Variants in NT5DC3 observed in about 807,000 individuals in gnomAD.
The protein encoded by NT5DC3 is 5'-nucleotidase domain containing 3, also known as 5'-nucleotidase domain-containing protein 3.
Under a neutral mutation model 67.8 loss-of-function variants are expected in NT5DC3, and 42 were observed. The observed-to-expected ratio is 0.62, with a 90% confidence interval of 0.48 to 0.80. The LOEUF (loss-of-function observed/expected upper bound fraction) is 0.80, where lower values mean the gene tolerates loss of function less well. Among genes scored for constraint, NT5DC3 ranks in the 30% least tolerant of loss-of-function variants. NT5DC3 has a pLI of 0.00. For missense variants in NT5DC3, 570 were observed against 696.4 expected (o/e 0.82, Z 2.04); for synonymous variants, 237 against 255.6 (o/e 0.93, Z 0.69).
At chr12:103,799,695 C>T (rs1019688646) in intron 4 of NT5DC3, among the ~76,000 whole-genome samples, 1 of 151,414 alleles carries the variant, frequency 6.6e-6, no homozygotes, top group African/African-American at 2.4e-5. Context: ...GGCACCACCA[C>T]CTTGGAGAGG....
At chr12:103,758,089 G>A in the NT5DC3 span, 1 of 1,587,296 alleles carries the variant, frequency 6.3e-7, no homozygotes, top group Non-Finnish European at 8.6e-7. Flanking sequence ...ACAGATGGGT[G>A]ATGCCCTGGG....
At chr12:103,801,121 G>A (rs957781247) in intron 4 of NT5DC3, among the ~76,000 whole-genome samples, 1 of 152,086 alleles carries the variant, frequency 6.6e-6, no homozygotes, top group Non-Finnish European at 1.5e-5. Context: ...ACTCACTCCT[G>A]TGGGCCAAAC....
At chr12:103,780,439 G>T in intron 12 of NT5DC3, 75 bp from the exon 13 acceptor site, 1 of 1,383,990 alleles carries the variant, frequency 7.2e-7, no homozygotes, top group South Asian at 1.2e-5. Context: ...ATTTTTTAAT[G>T]AGCAGTTTTT....
intron 12 of NT5DC3, among the ~76,000 whole-genome samples, chr12:103,782,512 G>A (rs866528374): frequency 3.3e-5 from 5 of 152,190 alleles, no homozygotes; most frequent in African/African-American, 1.2e-4. Flanking sequence ...CAAGTGCAGA[G>A]GTGGGTAGCT....
At chr12:103,789,169 A>G (rs115810930) in intron 9 of NT5DC3, 170 of 400,406 alleles carry the variant, frequency 4.2e-4, no homozygotes, top group African/African-American at 3.2e-3. Context: ...CACTCTTGTA[A>G]GCCCAGCACT....
chr12:103,808,552 A>G (rs182499000), intron 2 of NT5DC3, among the ~76,000 whole-genome samples: 113 of 152,348 alleles, frequency 7.4e-4, no homozygotes, highest in African/African-American at 2.5e-3. Context: ...TTTCAAGTCA[A>G]GCTGCACAAA....
At position 103,788,838 on chromosome 12, in the gene NT5DC3, C is replaced by T; in HGVS notation, c.1101G>A (p.Gln367=). ...AAAGGATCAGCTGGTCATGAGATAC[C>T]TGCTTGTATATCTGGCCTTTCTGCA... ...HKLQKGQIYK[Q]GNLYEFLKLT... The change falls in exon 10 of 14, where the codon CAG becomes CAA. Residue 367 remains glutamine (Q), a splice_region_variant and synonymous_variant. Transcript: ENST00000392876. 1 of 1,600,534 alleles carries T rather than the reference C, an allele frequency of 6.2e-7. No homozygotes were observed. Among genetic ancestry groups the T allele is most frequent in the Non-Finnish European group, 8.6e-7 (1 of 1,167,620 alleles).
At chr12:103,755,895 G>A in the NT5DC3 span, among the ~76,000 whole-genome samples, 1 of 152,144 alleles carries the variant, frequency 6.6e-6, no homozygotes, top group Non-Finnish European at 1.5e-5. Context: ...CCTTAAAGAA[G>A]TTACTTTCCT....
the NT5DC3 span, among the ~76,000 whole-genome samples, chr12:103,750,091 G>A: frequency 5.3e-5 from 8 of 151,864 alleles, no homozygotes; most frequent in Non-Finnish European, 1.2e-4. Flanking sequence ...TTGTTGTGGG[G>A]ATTAAAGGAG....
intron 11 of NT5DC3, 80 bp from the exon 12 acceptor site, chr12:103,785,555 G>A (rs1261728067): frequency 5.7e-6 from 8 of 1,404,798 alleles, no homozygotes; most frequent in African/African-American, 5.6e-5. Flanking sequence ...GACATGAGAG[G>A]CATTCATTTA....
the NT5DC3 span, among the ~76,000 whole-genome samples, chr12:103,749,420 C>T: frequency 2.0e-5 from 3 of 152,276 alleles, no homozygotes; most frequent in South Asian, 6.2e-4. Flanking sequence ...TTAGCTCTGA[C>T]TAATGTGCTA....
chr12:103,838,078 C>A (rs764151835), intron 1 of NT5DC3, among the ~76,000 whole-genome samples: 1 of 152,148 alleles, frequency 6.6e-6, no homozygotes, highest in African/African-American at 2.4e-5. Context: ...TCTTACATGG[C>A]GGCAGCAAGA....
chr12:103,781,414 G>A (rs568717257), intron 12 of NT5DC3, among the ~76,000 whole-genome samples: 1 of 152,218 alleles, frequency 6.6e-6, no homozygotes, highest in African/African-American at 2.4e-5. Context: ...ATGCCCAGAG[G>A]GGGACCCTGA....
chr12:103,777,524 A>G lies in NT5DC3; in HGVS notation c.*305T>C. 2.6e-6 allele frequency: 1 copy of G among 377,706 alleles called. No individual in the cohort carries two copies. The highest frequency in any genetic ancestry group is 4.8e-6 in the Non-Finnish European group (1 of 210,408). The allele number at this position is 377,706 out of a possible 1,614,324, so 23.4% of individuals were successfully genotyped here. A position where few individuals can be genotyped will look rare whatever the true frequency, so the allele number is the denominator to read the frequency against. On this transcript the variant is annotated 3_prime_UTR_variant, in exon 14 of 14. Transcript: ENST00000392876. ...AAGCTTGACCTGCTAGAATACAGAC[A>G]TGGCATCAAGTGGTCTCACCTATCC...
rs544695399 is a variant in NT5DC3, at chr12:103,832,330, T to C, written c.208+8619A>G. ...GGTTTCCAAACCCGGCCTGTAAAAA[T>C]ATAGATTCCCGGGTCTTACCTCCAC... On this transcript the variant is annotated intron_variant, in intron 1 of 13. Coordinates refer to ENST00000392876, the MANE Select transcript of NT5DC3 (RefSeq NM_001031701.3). Among the ~76,000 whole-genome samples, 3 of 152,164 alleles carry C rather than the reference T, an allele frequency of 2.0e-5. No homozygotes were observed. The East Asian group carries it at 5.8e-4, about 29-fold the overall frequency.
In NT5DC3 at chr12:103,772,751, C is replaced by A. The variant is rs3087891; in HGVS notation, c.*5078G>T. On this transcript the variant is annotated 3_prime_UTR_variant, in exon 14 of 14. Transcript: ENST00000392876. ...TCCCAAGTTGGGGTGAGGAGGCCAG[C>A]CCTTTGTACCCCATATGGAGCCGGT... is the stretch of plus-strand genomic sequence containing the variant. 39,253 of 152,132 alleles carry A rather than the reference C, an allele frequency of 0.26. 5,538 individuals are homozygous for A. The highest frequency in any genetic ancestry group is 0.36 in the African/African-American group (14,880 of 41,416). 9.4% of individuals were successfully genotyped at this position (152,132 alleles called of 1,614,324 possible). A position where few individuals can be genotyped will look rare whatever the true frequency, so the allele number is the denominator to read the frequency against.
rs1284522231 is a variant in NT5DC3, at chr12:103,772,351, T to G, written c.*5478A>C. The G allele has an allele frequency of 6.6e-6, 1 of 152,520 alleles. No individual in the cohort carries two copies. The allele number at this position is 152,520 out of a possible 1,614,324, so 9.4% of individuals were successfully genotyped here. A position where few individuals can be genotyped will look rare whatever the true frequency, so the allele number is the denominator to read the frequency against. On this transcript the variant is annotated 3_prime_UTR_variant, in exon 14 of 14. Transcript: ENST00000392876. The stretch of plus-strand genomic sequence containing the variant: ...ATTTGGCAATAAGTTCAGAGTCACA[T>G]AACACATAAAATCAACATTTAAAAT...
chr12:103,761,786 G>A, the NT5DC3 span, among the ~76,000 whole-genome samples: 5 of 152,156 alleles, frequency 3.3e-5, no homozygotes, highest in Admixed American at 3.3e-4. Flanking sequence ...CTCCCTCCTG[G>A]GTTTTGGGAA....
In NT5DC3 at chr12:103,815,116, C is replaced by A. The variant is rs373361563; in HGVS notation, c.214G>T (p.Val72Phe). The A allele has an allele frequency of 1.9e-6, 3 of 1,598,920 alleles. No individual in the cohort carries two copies. The highest frequency in any genetic ancestry group is 1.7e-5 in the Admixed American group (1 of 58,248). The part of the protein sequence containing the change: ...REAKRSTEEL[V>F]PSIMSNLLNP... ...AACAAGTTGCTCATAATGGAAGGAA[C>A]CAATTCTGGAAATAAAGAAAAAAAA... The change falls in exon 2 of 14, where the codon GTT (valine) becomes TTT (phenylalanine). Residue 72 changes from valine to phenylalanine, a missense_variant. Coordinates refer to ENST00000392876, the MANE Select transcript of NT5DC3 (RefSeq NM_001031701.3).
Sources: gnomAD v4.1 joint callset for allele counts (sites outside exome capture counted in the v4.1 genomes callset) on GRCh38, gnomAD v4.1.1 for gene constraint, MANE v1.5 for transcripts, NCBI Gene and HGNC (gene_info 2026-07-23, HGNC 2026-07-21) for gene names.